Variants in ZC3H12C observed in about 807,000 individuals in gnomAD.
ZC3H12C encodes the protein zinc finger CCCH-type containing 12C, also known as probable ribonuclease ZC3H12C.
Under a neutral mutation model 76.3 loss-of-function variants are expected in ZC3H12C, and 20 were observed. The observed-to-expected ratio is 0.26, with a 90% CI of 0.18 to 0.38. The LOEUF is 0.38. ZC3H12C is among the 10% of genes least tolerant of loss of function. The pLI is 1.00. For missense variants in ZC3H12C, 874 were observed against 1,086.5 expected (o/e 0.80, Z 2.75); for synonymous variants, 352 against 399.6 (o/e 0.88, Z 1.42).
chr11:110,101,739 G>A (rs567490457), intron 1 of ZC3H12C, among the ~76,000 whole-genome samples: 3 of 151,842 alleles, frequency 2.0e-5, no homozygotes, highest in Non-Finnish European at 4.4e-5. Flanking sequence ...TAGTAGAGAC[G>A]GGGTTTCACC....
At chr11:110,147,165 C>T (rs769338790) in intron 2 of ZC3H12C, among the ~76,000 whole-genome samples, 2 of 152,200 alleles carry the variant, frequency 1.3e-5, no homozygotes, top group Non-Finnish European at 2.9e-5. Flanking sequence ...CAACTCCATG[C>T]AGCAGCCAGT....
Position 110,137,122 on chromosome 11 carries a change from G to A in ZC3H12C, c.481G>A (p.Glu161Lys), listed in dbSNP as rs1211764233. The stretch of plus-strand genomic sequence containing the variant: ...AAAGAAACCACCTGATGTGGTGCGA[G>A]AATACCAAACAAAACTGGAGTTTGC... The part of the protein sequence containing the change: ...EAKKPPDVVR[E>K]YQTKLEFALK... Residue 161 changes from glutamate to lysine, a missense_variant, in exon 2 of 6, where the codon GAA becomes AAA. Glu to Lys is a moderately conservative substitution (Grantham distance 56, BLOSUM62 1). Around this residue, in one of 3 missense-constraint regions of ZC3H12C, gnomAD observed 210 missense variants for 227.1 expected, o/e 0.92. Transcript: ENST00000278590. 65 of 1,613,802 alleles carry A rather than the reference G, an allele frequency of 4.0e-5. No individual in the cohort carries two copies. The highest frequency in any genetic ancestry group is 5.5e-5 in the Non-Finnish European group (65 of 1,179,832).
Position 110,166,479 on chromosome 11 carries a change from A to T in ZC3H12C, c.*742A>T, listed in dbSNP as rs1299376076. 6.6e-6 allele frequency: 1 copy of T among 152,124 alleles called. No individual in the cohort carries two copies. Among genetic ancestry groups the T allele is most frequent in the Non-Finnish European group, 1.5e-5 (1 of 68,024 alleles). The allele number at this position is 152,124 out of a possible 1,614,324, so 9.4% of individuals were successfully genotyped here. ...AGAAAGCAGATGCAATCAATGGAAAAATGTTTCCATTTTTTAAAAATGAAT... is the reference window on the plus strand; with the variant it reads ...AGAAAGCAGATGCAATCAATGGAAATATGTTTCCATTTTTTAAAAATGAAT... On this transcript the variant is annotated 3_prime_UTR_variant, in exon 6 of 6. Transcript: ENST00000278590.
Position 110,159,308 on chromosome 11 carries a change from A to G in ZC3H12C, c.966A>G (p.Pro322=), listed in dbSNP as rs1178658747. 26 of 1,613,788 alleles carry G rather than the reference A, an allele frequency of 1.6e-5. No homozygotes were observed. The highest frequency in any genetic ancestry group is 3.3e-5 in the Admixed American group (2 of 59,968). The change falls in exon 4 of 6, where the codon CCA becomes CCG. Residue 322 remains proline (P), a synonymous_variant. Transcript: ENST00000278590. The part of the protein sequence containing the change: ...LEKEKILVFT[P]SRRVQGRRVV... Reference sequence around the variant, plus strand: ...AGGAGAAAATCCTGGTGTTCACGCCATCCCGGCGAGTCCAGGGGAGGAGAG... The same window carrying G: ...AGGAGAAAATCCTGGTGTTCACGCCGTCCCGGCGAGTCCAGGGGAGGAGAG...
chr11:110,097,297 C>A, intron 1 of ZC3H12C, among the ~76,000 whole-genome samples: 1 of 152,210 alleles, frequency 6.6e-6, no homozygotes, highest in East Asian at 1.9e-4. Flanking sequence ...AGCTCATAAG[C>A]AGATACCTGA....
chr11:110,121,420 T>C (rs558491093), intron 1 of ZC3H12C, among the ~76,000 whole-genome samples: 9 of 152,200 alleles, frequency 5.9e-5, no homozygotes, highest in Non-Finnish European at 1.3e-4. Context: ...TATTCCAGAT[T>C]TAACTTTTTA....
chr11:110,159,221 T>TA, intron 3 of ZC3H12C, 35 bp from the exon 4 acceptor site: 1 of 1,532,844 alleles, frequency 6.5e-7, no homozygotes, highest in Non-Finnish European at 8.9e-7. Flanking sequence ...TCTATGTATT[T>TA]ACTTTCTGCC....
At chr11:110,093,585 C>A (rs1489976957) in intron 1 of ZC3H12C, among the ~76,000 whole-genome samples, 153 bp downstream of exon 1, 1 of 151,610 alleles carries the variant, frequency 6.6e-6, no homozygotes, top group Middle Eastern at 3.2e-3. Context: ...CAGGCCCAGG[C>A]GGGTCGGGCT....
At chr11:110,109,315 C>G (rs1303643233) in intron 1 of ZC3H12C, among the ~76,000 whole-genome samples, 1 of 152,142 alleles carries the variant, frequency 6.6e-6, no homozygotes, top group Non-Finnish European at 1.5e-5. Flanking sequence ...AGCTCTCATT[C>G]CTTCCATGGT....
intron 1 of ZC3H12C, among the ~76,000 whole-genome samples, chr11:110,127,477 T>C (rs963871843): frequency 1.5e-4 from 23 of 152,280 alleles, no homozygotes; most frequent in African/African-American, 5.1e-4. Flanking sequence ...GTGGTGGTGG[T>C]TGCTTCTTTT....
rs755490931 is a variant in ZC3H12C, at chr11:110,165,503, G to A, written c.2418G>A (p.Gln806=). The A allele has an allele frequency of 1.2e-5, 19 of 1,613,978 alleles. No homozygotes were observed. The South Asian group carries it at 1.9e-4, about 16-fold the overall frequency. ...ACTCCACACAGCCGTGTTATGAGCA[G>A]TTCACCTTCCAGAGCCTCCCTGAGC... ...PDNSTQPCYE[Q]FTFQSLPEQQ... Residue 806 remains glutamine (Q), a synonymous_variant, in exon 6 of 6, where the codon CAG becomes CAA. Transcript: ENST00000278590.
At chr11:110,098,424 T>C (rs7131341) in intron 1 of ZC3H12C, among the ~76,000 whole-genome samples, 4,479 of 152,250 alleles carry the variant, frequency 0.029, 221 homozygotes, top group African/African-American at 0.099. Flanking sequence ...AGTAATTTAT[T>C]GAAGAAAGAA....
At chr11:110,132,577 A>C (rs901743787) in intron 1 of ZC3H12C, among the ~76,000 whole-genome samples, 4 of 152,162 alleles carry the variant, frequency 2.6e-5, no homozygotes, top group African/African-American at 9.6e-5. Context: ...ATCTTCACAA[A>C]TCACTATATA....
At chr11:110,162,060 A>AG (rs1310624223) in intron 4 of ZC3H12C, among the ~76,000 whole-genome samples, 3 of 152,084 alleles carry the variant, frequency 2.0e-5, no homozygotes, top group African/African-American at 7.2e-5. Flanking sequence ...TTTGAACCCC[A>AG]GGGGGGCGGA....
At chr11:110,151,149 C>G (rs1484101455) in intron 2 of ZC3H12C, among the ~76,000 whole-genome samples, 2 of 152,020 alleles carry the variant, frequency 1.3e-5, no homozygotes, top group African/African-American at 4.8e-5. Flanking sequence ...AGTACAGTAT[C>G]CTGTTTTATC....
At chr11:110,162,848 G>A (rs1002077480) in intron 4 of ZC3H12C, among the ~76,000 whole-genome samples, 1 of 152,122 alleles carries the variant, frequency 6.6e-6, no homozygotes, top group East Asian at 1.9e-4. Context: ...TGGTAAGTTC[G>A]TACCTTCCCA....
At position 110,165,326 on chromosome 11, in the gene ZC3H12C, A is replaced by G; in HGVS notation, c.2241A>G (p.Arg747=). The G allele has an allele frequency of 6.2e-7, 1 of 1,614,020 alleles. No homozygotes were observed. Residue 747 remains arginine (R), a synonymous_variant, in exon 6 of 6, where the codon AGA becomes AGG. Coordinates refer to ENST00000278590, the MANE Select transcript of ZC3H12C (RefSeq NM_033390.2). ...TAGGGAGGTCCTTGGTGGCCACGAG[A>G]ATAGACAGCATCTCTGACTCTCGAC... ...PHLGRSLVAT[R]IDSISDSRLY...
Position 110,164,929 on chromosome 11 carries a change from C to T in ZC3H12C, c.1844C>T (p.Thr615Ile). 1 of 1,614,030 alleles carries T rather than the reference C, an allele frequency of 6.2e-7. No homozygotes were observed. Among genetic ancestry groups the T allele is most frequent in the Non-Finnish European group, 8.5e-7 (1 of 1,179,894 alleles). ...RSPERRFSLDTDYRISSVASD... is the reference protein window; with the variant it reads ...RSPERRFSLDIDYRISSVASD... ...CCTGAAAGGCGTTTCTCCTTAGACA[C>T]AGATTATAGAATAAGTTCCGTAGCT... Residue 615 changes from threonine to isoleucine, a missense_variant, in exon 6 of 6, where the codon ACA becomes ATA. Physicochemically the swap from Thr to Ile is moderately conservative, Grantham distance 89. This residue lies in a region of ZC3H12C where 395 missense variants were observed against 434.4 expected (regional missense o/e 0.91). Transcript: ENST00000278590. This position sits in a 1 kb window ranked among gnomAD's most constrained non-coding sequence, Gnocchi z 5.7.
chr11:110,100,956 A>C (rs1861203169), intron 1 of ZC3H12C, among the ~76,000 whole-genome samples: 1 of 152,226 alleles, frequency 6.6e-6, no homozygotes, highest in African/African-American at 2.4e-5. Flanking sequence ...CTCTTGCAAC[A>C]AACAGCCAAG....
Sources: allele counts gnomAD v4.1 joint callset (sites outside exome capture counted in the v4.1 genomes callset), GRCh38; gene constraint gnomAD v4.1.1; regional missense constraint gnomAD v4.1.1; non-coding constraint Gnocchi (gnomAD v3.1); transcripts MANE v1.5; gene names NCBI Gene and HGNC (gene_info 2026-07-23, HGNC 2026-07-21).